The following DCC variants were observed in gnomAD, a reference collection of about 807,000 sequenced individuals.
DCC encodes DCC netrin 1 receptor.
DCC carries 58 observed loss-of-function variants against 172.5 expected under a neutral mutation model. The observed-to-expected ratio is 0.34, with a 90% CI of 0.27 to 0.42. The LOEUF (loss-of-function observed/expected upper bound fraction) is 0.42. DCC is among the 10% of genes least tolerant of loss of function. The pLI, the probability that DCC is intolerant of heterozygous loss-of-function variation, is 1.00. For synonymous variants in DCC, 709 were observed against 644.5 expected (o/e 1.10, Z -1.52); for missense variants, 1,740 against 1,791.0 (o/e 0.97, Z 0.51).
intron 1 of DCC, among the ~76,000 whole-genome samples, chr18:52,380,606 G>C (rs937239661): frequency 5.3e-5 from 8 of 151,986 alleles, no homozygotes; most frequent in Admixed American, 1.3e-4. Flanking sequence ...TTAACCATGA[G>C]TTTTACATTT....
intron 7 of DCC, among the ~76,000 whole-genome samples, chr18:53,113,567 T>C (rs1568312558): frequency 6.6e-6 from 1 of 151,454 alleles, no homozygotes; most frequent in Non-Finnish European, 1.5e-5. Context: ...ATAATTCATA[T>C]AGTATAAATC....
At chr18:52,373,155 T>C (rs1424293256) in intron 1 of DCC, among the ~76,000 whole-genome samples, 1 of 152,140 alleles carries the variant, frequency 6.6e-6, no homozygotes, top group Non-Finnish European at 1.5e-5. Flanking sequence ...GTGAATTTAG[T>C]AGAAGCATCA....
chr18:52,961,785 G>A (rs562263051), intron 5 of DCC, among the ~76,000 whole-genome samples: 74 of 152,172 alleles, frequency 4.9e-4, no homozygotes, highest in Non-Finnish European at 8.8e-4. Context: ...ACAGAACAGA[G>A]CCCTCAGAAA....
intron 12 of DCC, among the ~76,000 whole-genome samples, chr18:53,259,576 A>G (rs1455719775): frequency 6.6e-6 from 1 of 151,924 alleles, no homozygotes; most frequent in Non-Finnish European, 1.5e-5. Flanking sequence ...CTGCCAAGAG[A>G]TCTGCTGTTA....
intron 19 of DCC, 65 bp from the exon 20 acceptor site, chr18:53,410,387 G>A: frequency 1.1e-6 from 1 of 944,820 alleles, no homozygotes; most frequent in South Asian, 1.3e-5. Flanking sequence ...GGAAACCTGG[G>A]TGTTTGGAAG....
At chr18:52,741,870 C>T (rs1279105954) in intron 1 of DCC, among the ~76,000 whole-genome samples, 1 of 152,048 alleles carries the variant, frequency 6.6e-6, no homozygotes, top group Non-Finnish European at 1.5e-5. Flanking sequence ...GGGTTTGCAT[C>T]CCCCAGAATT....
Position 53,486,931 on chromosome 18 carries a change from C to T in DCC, c.3871C>T (p.Arg1291Ter). The T allele has an allele frequency of 1.2e-6, 2 of 1,614,150 alleles. No individual in the cohort carries two copies. The highest frequency in any genetic ancestry group is 1.1e-5 in the South Asian group (1 of 91,088). ...PVPFPTLSVD[R>*]GFGAGRSQSV... ...GCCATTCCCAACACTCTCAGTGGAC[C>T]GAGGTTTCGGAGCAGGAAGAAGTCA... Residue 1291 changes from arginine (R) to a stop codon, truncating the protein, a stop_gained, in exon 26 of 29, where the codon CGA (arginine) becomes TGA (stop). Coordinates refer to ENST00000442544, the MANE Select transcript of DCC (RefSeq NM_005215.4). LOFTEE classifies it high-confidence loss of function.
Position 52,883,348 on chromosome 18 carries a change from T to TTGTGTGTG in DCC, c.413-22695_413-22694insGTGTGTGT, listed in dbSNP as rs758976846. Among the ~76,000 whole-genome samples the TTGTGTGTG allele has an allele frequency of 1.0e-3, 107 of 106,296 alleles. 2 individuals are homozygous for TTGTGTGTG. Among genetic ancestry groups the TTGTGTGTG allele is most frequent in the Non-Finnish European group, 1.9e-3 (90 of 48,226 alleles). 69.7% of individuals were successfully genotyped at this position (106,296 alleles called of 152,430 possible). On this transcript the variant is annotated intron_variant, in intron 2 of 28. Transcript: ENST00000442544. ...ATTTTTTATTTATTTATTTATTTAT[T>TTGTGTGTG]TATGTGTGTGTGTGTGTGTGTGTGT...
At chr18:52,464,537 C>T (rs780351713) in intron 1 of DCC, among the ~76,000 whole-genome samples, 14 of 152,100 alleles carry the variant, frequency 9.2e-5, no homozygotes, top group Non-Finnish European at 2.1e-4. Flanking sequence ...TAGGGAGCAA[C>T]GCAAAGCGGT....
chr18:52,855,624 T>C (rs1281514624), intron 2 of DCC, among the ~76,000 whole-genome samples: 2 of 152,170 alleles, frequency 1.3e-5, no homozygotes, highest in African/African-American at 2.4e-5. Flanking sequence ...ATTTGTAAAA[T>C]AGAAATAATC....
At chr18:52,579,991 G>A (rs62083389) in intron 1 of DCC, among the ~76,000 whole-genome samples, 10,395 of 152,230 alleles carry the variant, frequency 0.068, 447 homozygotes, top group Middle Eastern at 0.11. Flanking sequence ...GAGCACATAT[G>A]CTAATGTATT....
In DCC at chr18:53,269,848, C is replaced by T. The variant is rs117370933; in HGVS notation, c.1912-35730C>T. On this transcript the variant is annotated intron_variant, in intron 12 of 28. Coordinates refer to ENST00000442544, the MANE Select transcript of DCC (RefSeq NM_005215.4). Reference sequence around the variant, plus strand: ...ATTTCTGGATTATATGATATCTCTCCGATAAGATGAGTGTTTCCTAGAGGT... The same window carrying T: ...ATTTCTGGATTATATGATATCTCTCTGATAAGATGAGTGTTTCCTAGAGGT... 3.1e-3 allele frequency among the ~76,000 whole-genome samples: 473 copies of T among 152,162 alleles called. 4 individuals are homozygous for T. The highest frequency in any genetic ancestry group is 0.022 in the Admixed American group (335 of 15,270).
chr18:52,662,362 G>A (rs368149071), intron 1 of DCC, among the ~76,000 whole-genome samples: 7 of 152,002 alleles, frequency 4.6e-5, no homozygotes, highest in Admixed American at 4.6e-4. Flanking sequence ...AATCCAATAA[G>A]GATATGAATT....
chr18:53,481,936 C>A (rs772193707), intron 25 of DCC, among the ~76,000 whole-genome samples: 7 of 152,122 alleles, frequency 4.6e-5, no homozygotes, highest in Non-Finnish European at 1.0e-4. Flanking sequence ...GAACAGATTT[C>A]TTGTCATATT....
chr18:53,201,501 G>A (rs2055536953), intron 9 of DCC, among the ~76,000 whole-genome samples: 1 of 152,116 alleles, frequency 6.6e-6, no homozygotes, highest in Non-Finnish European at 1.5e-5. Flanking sequence ...AGGAATAATA[G>A]GTTCAGAATC....
At position 53,518,449 on chromosome 18, in the gene DCC, G is replaced by C. The variant is rs546880797; in HGVS notation, c.4112-8168G>C. 2.0e-5 allele frequency among the ~76,000 whole-genome samples: 3 copies of C among 152,248 alleles called. No individual in the cohort carries two copies. The South Asian group carries it at 6.2e-4, about 32-fold the overall frequency. ...TACATGGGAAAACCTTCTGCAGAGA[G>C]ATGCTAGCAGGAGTCTGCACCTGGC... On this transcript the variant is annotated intron_variant, in intron 27 of 28. Coordinates refer to ENST00000442544, the MANE Select transcript of DCC (RefSeq NM_005215.4).
chr18:52,841,292 A>AAAAAC (rs1555671980), intron 2 of DCC, among the ~76,000 whole-genome samples: 26 of 140,036 alleles, frequency 1.9e-4, no homozygotes, highest in Middle Eastern at 3.5e-3. Context: ...TGCTTAAAAA[A>AAAAAC]AAAACAACAC....
intron 1 of DCC, among the ~76,000 whole-genome samples, chr18:52,537,685 C>T (rs765688366): frequency 2.0e-5 from 3 of 152,096 alleles, no homozygotes; most frequent in Non-Finnish European, 4.4e-5. Context: ...AAGGAAATAA[C>T]ACAAAGAGAA....
At chr18:53,050,403 GTGACC>G (rs2042319093) in intron 5 of DCC, among the ~76,000 whole-genome samples, 4 of 152,152 alleles carry the variant, frequency 2.6e-5, no homozygotes, top group African/African-American at 9.6e-5. Context: ...CTTCCTATCC[GTGACC>G]ATGGAATGTT....
Sources: allele counts gnomAD v4.1 joint callset (sites outside exome capture counted in the v4.1 genomes callset), GRCh38; gene constraint gnomAD v4.1.1; transcripts MANE v1.5; gene names NCBI Gene and HGNC (gene_info 2026-07-23, HGNC 2026-07-21).